Variants in LRRC7 observed in about 807,000 individuals in gnomAD.
LRRC7 encodes the protein leucine rich repeat containing 7, also known as leucine-rich repeat-containing protein 7.
Under a neutral mutation model 175.7 loss-of-function variants are expected in LRRC7, and 23 were observed. The ratio of observed to expected loss-of-function variants is 0.13; its 90% CI spans 0.09 to 0.19. LRRC7 has a LOEUF of 0.19. Among genes scored for constraint, LRRC7 ranks in the 10% least tolerant of loss-of-function variants. The probability of loss-of-function intolerance (pLI) is 1.00; values close to 1 mark genes in which losing one functional copy is unlikely to be tolerated. For synonymous variants in LRRC7, 685 were observed against 680.9 expected (o/e 1.01, Z -0.09); for missense variants, 1,354 against 1,904.7 (o/e 0.71, Z 5.38).
At chr1:69,628,331 C>T (rs892342073) in intron 1 of LRRC7, among the ~76,000 whole-genome samples, 8 of 152,184 alleles carry the variant, frequency 5.3e-5, no homozygotes, top group African/African-American at 1.9e-4. Flanking sequence ...TTTTTATATA[C>T]AGCAATGAAC....
intron 18 of LRRC7, among the ~76,000 whole-genome samples, chr1:70,028,589 A>G (rs1327464711): frequency 6.6e-6 from 1 of 152,172 alleles, no homozygotes; most frequent in Non-Finnish European, 1.5e-5. Flanking sequence ...AAAAGTTCCA[A>G]TACACACAGA....
intron 8 of LRRC7, among the ~76,000 whole-genome samples, chr1:69,959,159 A>G (rs1650794417): frequency 6.6e-6 from 1 of 152,134 alleles, no homozygotes; most frequent in South Asian, 2.1e-4. Context: ...TAAAGCAGTC[A>G]GCCAAACTGT....
At chr1:69,738,881 T>G (rs774913439) in intron 2 of LRRC7, among the ~76,000 whole-genome samples, 2 of 152,054 alleles carry the variant, frequency 1.3e-5, no homozygotes, top group African/African-American at 2.4e-5. Flanking sequence ...GAGAAAGTTC[T>G]TGAAGACTCT....
rs535774482 is a variant in LRRC7, at chr1:70,141,413, G to A, written c.*19526G>A. ...TTAATAAAATGATATATTTTGTTTT[G>A]AACTTTGGAATTCCATTGTGGCTTG... On this transcript the variant is annotated 3_prime_UTR_variant, in exon 27 of 27. Coordinates refer to ENST00000651989, the MANE Select transcript of LRRC7 (RefSeq NM_001370785.2). 1 of 152,032 alleles carries A rather than the reference G, an allele frequency of 6.6e-6. No individual in the cohort carries two copies. Among genetic ancestry groups the A allele is most frequent in the African/African-American group, 2.4e-5 (1 of 41,516 alleles). 9.4% of individuals were successfully genotyped at this position (152,032 alleles called of 1,614,324 possible).
At chr1:69,877,220 C>A (rs1468499590) in intron 7 of LRRC7, among the ~76,000 whole-genome samples, 1 of 152,008 alleles carries the variant, frequency 6.6e-6, no homozygotes, top group Admixed American at 6.6e-5. Context: ...CGGAATGACA[C>A]GTTAGATTTG....
intron 2 of LRRC7, among the ~76,000 whole-genome samples, chr1:69,759,606 A>C (rs1484805620): frequency 1.3e-5 from 2 of 152,044 alleles, no homozygotes; most frequent in Admixed American, 1.3e-4. Flanking sequence ...AACGGAATAA[A>C]AACTCCATGA....
At chr1:69,971,961 T>C (rs1652279783) in intron 8 of LRRC7, among the ~76,000 whole-genome samples, 1 of 152,084 alleles carries the variant, frequency 6.6e-6, no homozygotes, top group Non-Finnish European at 1.5e-5. Context: ...AACTCAGAAA[T>C]AAACCCTCAT....
chr1:70,079,695 C>A (rs1663069441), intron 24 of LRRC7, among the ~76,000 whole-genome samples: 1 of 152,188 alleles, frequency 6.6e-6, no homozygotes, highest in South Asian at 2.1e-4. Context: ...CTATTTCTCA[C>A]ACACAGGTCT....
intron 1 of LRRC7, among the ~76,000 whole-genome samples, chr1:69,617,611 C>T (rs1163851040): frequency 7.3e-6 from 1 of 137,020 alleles, no homozygotes; most frequent in African/African-American, 2.7e-5. Context: ...CTGGAGTCTA[C>T]AAGTGGAGGA....
At chr1:69,987,595 G>A (rs1409683348) in intron 10 of LRRC7, among the ~76,000 whole-genome samples, 1 of 152,106 alleles carries the variant, frequency 6.6e-6, no homozygotes, top group African/African-American at 2.4e-5. Context: ...CTTTTCACTA[G>A]CTCCACATAT....
chr1:70,114,059 AT>A (rs148214535), intron 26 of LRRC7, among the ~76,000 whole-genome samples: 19,483 of 152,112 alleles, frequency 0.13, 1,716 homozygotes, highest in African/African-American at 0.25. Flanking sequence ...TTTAAAAAAA[AT>A]CTTCCAAAAA....
chr1:69,997,127 T>A (rs1480404287), intron 11 of LRRC7, among the ~76,000 whole-genome samples: 1 of 152,096 alleles, frequency 6.6e-6, no homozygotes, highest in Non-Finnish European at 1.5e-5. Flanking sequence ...CCCTTGTGAG[T>A]TGGATTCCTA....
intron 4 of LRRC7, among the ~76,000 whole-genome samples, chr1:69,818,394 C>T (rs1678845636): frequency 6.6e-6 from 1 of 151,990 alleles, no homozygotes; most frequent in Non-Finnish European, 1.5e-5. Context: ...CCTTCATTCT[C>T]TTGATGTGGT....
rs541684451 is a variant in LRRC7 at position 69,830,547 on chromosome 1, C to T, written c.501-4233C>T. 8.3e-4 allele frequency among the ~76,000 whole-genome samples: 126 copies of T among 151,694 alleles called. 2 individuals are homozygous for T. The highest frequency in any genetic ancestry group is 2.9e-3 in the African/African-American group (119 of 41,452). ...AAGAGATTTTAAAAATTCCTTATCC[C>T]CAAATAATTTATAATTTTTCCCAGG... On this transcript the variant is annotated intron_variant, in intron 5 of 26. Coordinates refer to ENST00000651989, the MANE Select transcript of LRRC7 (RefSeq NM_001370785.2).
chr1:70,075,584 G>A (rs1017865057), intron 23 of LRRC7, among the ~76,000 whole-genome samples: 3 of 152,086 alleles, frequency 2.0e-5, no homozygotes, highest in African/African-American at 4.8e-5. Context: ...GATTTCAAAG[G>A]CTGTATTTGA....
intron 3 of LRRC7, among the ~76,000 whole-genome samples, chr1:69,784,005 A>G (rs1489199625): frequency 3.3e-5 from 5 of 152,184 alleles, no homozygotes; most frequent in Non-Finnish European, 5.9e-5. Context: ...CCCAAAAGCC[A>G]TGAACAATAG....
chr1:69,646,290 A>G (rs974461222), intron 1 of LRRC7, among the ~76,000 whole-genome samples: 3 of 152,092 alleles, frequency 2.0e-5, no homozygotes, highest in Non-Finnish European at 4.4e-5. Context: ...TGAGAGTCTG[A>G]TGAGTATCTT....
chr1:69,767,191 C>A (rs536278081), intron 3 of LRRC7, among the ~76,000 whole-genome samples: 11 of 152,130 alleles, frequency 7.2e-5, no homozygotes, highest in Non-Finnish European at 1.5e-4. Flanking sequence ...CATGCCATAG[C>A]ATGTGTCGGT....
chr1:69,635,532 T>C (rs1653201360), intron 1 of LRRC7, among the ~76,000 whole-genome samples: 1 of 152,146 alleles, frequency 6.6e-6, no homozygotes. Flanking sequence ...GCAAACTTTG[T>C]ATTTTTGACA....
Sources: allele counts gnomAD v4.1 joint callset (sites outside exome capture counted in the v4.1 genomes callset), GRCh38; gene constraint gnomAD v4.1.1; transcripts MANE v1.5; gene names NCBI Gene and HGNC (gene_info 2026-07-23, HGNC 2026-07-21).